PHYHIPL: variants seen among roughly 807,000 people sequenced by gnomAD.
PHYHIPL encodes the protein phytanoyl-CoA 2-hydroxylase interacting protein like, also known as phytanoyl-CoA hydroxylase-interacting protein-like.
In PHYHIPL, 9 loss-of-function variants were observed where a neutral mutation model predicts 33.4. That is an observed-to-expected ratio of 0.27 (90% CI 0.16 to 0.47). PHYHIPL has a LOEUF of 0.47. PHYHIPL is among the 20% of genes least tolerant of loss of function. PHYHIPL has a pLI of 0.99. For missense variants in PHYHIPL, 365 were observed against 460.7 expected (o/e 0.79, Z 1.90); for synonymous variants, 153 against 154.1 (o/e 0.99, Z 0.05).
chr10:59,231,553 GT>G (rs1464552335), intron 1 of PHYHIPL, among the ~76,000 whole-genome samples: 1 of 152,008 alleles, frequency 6.6e-6, no homozygotes, highest in African/African-American at 2.4e-5. Context: ...TATGAACCAA[GT>G]TATAAAGCAC....
At chr10:59,200,744 TG>T (rs1726491263) in intron 1 of PHYHIPL, among the ~76,000 whole-genome samples, 1 of 152,202 alleles carries the variant, frequency 6.6e-6, no homozygotes, top group African/African-American at 2.4e-5. Flanking sequence ...AGCCTGTTAT[TG>T]GTCTATTTAG....
At chr10:59,190,132 A>G (rs1677158143) in intron 1 of PHYHIPL, among the ~76,000 whole-genome samples, 1 of 152,020 alleles carries the variant, frequency 6.6e-6, no homozygotes, top group Non-Finnish European at 1.5e-5. Context: ...CAAATAGTCA[A>G]TCAGTGGTAT....
chr10:59,176,320 C>T (rs548987795), upstream of PHYHIPL, among the ~76,000 whole-genome samples: 97 of 152,314 alleles, frequency 6.4e-4, no homozygotes, highest in African/African-American at 2.1e-3. Context: ...CGCCAGGCAC[C>T]GAGAGCAGAC....
intron 1 of PHYHIPL, among the ~76,000 whole-genome samples, chr10:59,228,132 GC>G (rs1293744620): frequency 2.6e-5 from 4 of 151,918 alleles, no homozygotes; most frequent in Non-Finnish European, 5.9e-5. Context: ...AAATAGATAT[GC>G]CCCCAAATGT....
At chr10:59,222,488 A>T (rs1360263676) in intron 1 of PHYHIPL, among the ~76,000 whole-genome samples, 1 of 152,034 alleles carries the variant, frequency 6.6e-6, no homozygotes, top group Non-Finnish European at 1.5e-5. Context: ...GTTAAAGGAG[A>T]CCCTAAAGGC....
intron 1 of PHYHIPL, among the ~76,000 whole-genome samples, chr10:59,215,144 A>G (rs1244338685): frequency 6.6e-6 from 1 of 152,102 alleles, no homozygotes; most frequent in Non-Finnish European, 1.5e-5. Flanking sequence ...CTGAAAGAGC[A>G]TATTACTTGG....
intron 1 of PHYHIPL, among the ~76,000 whole-genome samples, chr10:59,219,401 G>A (rs1216081208): frequency 2.0e-5 from 3 of 152,032 alleles, no homozygotes; most frequent in Non-Finnish European, 4.4e-5. Flanking sequence ...ACTCAGGTAG[G>A]AATAAATAAA....
At chr10:59,182,445 T>C (rs1349972702) in intron 1 of PHYHIPL, among the ~76,000 whole-genome samples, 1 of 152,058 alleles carries the variant, frequency 6.6e-6, no homozygotes, top group African/African-American at 2.4e-5. Flanking sequence ...TGGTTTCACG[T>C]GACTCTCCTG....
intron 3 of PHYHIPL, among the ~76,000 whole-genome samples, chr10:59,237,880 T>C (rs924324404): frequency 2.0e-5 from 3 of 151,956 alleles, no homozygotes; most frequent in African/African-American, 7.2e-5. Context: ...TCTTTTAACT[T>C]GATCATCTAA....
At chr10:59,207,763 C>T (rs1261200879) in intron 1 of PHYHIPL, among the ~76,000 whole-genome samples, 10 of 151,946 alleles carry the variant, frequency 6.6e-5, no homozygotes, top group East Asian at 1.9e-4. Context: ...TGGTGGTGGG[C>T]GCCTGTAGTC....
chr10:59,236,489 C>T lies in PHYHIPL; in HGVS notation c.310C>T (p.Pro104Ser). 1 of 1,585,696 alleles carries T rather than the reference C, an allele frequency of 6.3e-7. No individual in the cohort carries two copies. The highest frequency in any genetic ancestry group is 8.6e-7 in the Non-Finnish European group (1 of 1,164,522). The change falls in exon 3 of 5, where the codon CCC becomes TCC. Residue 104 changes from proline (P) to serine (S), a missense_variant. Pro to Ser is a moderately conservative substitution (Grantham distance 74). This residue lies in a region of PHYHIPL where 63 missense variants were observed against 119.3 expected (regional missense o/e 0.53). Coordinates refer to ENST00000373880, the MANE Select transcript of PHYHIPL (RefSeq NM_032439.4). Reference protein sequence around the residue: ...NSNKFKHKDVPTKLVAKAVPL... With the variant: ...NSNKFKHKDVSTKLVAKAVPL... ...TTCCTTCTTTCATTCCTAGGATGTT[C>T]CCACAAAATTGGTGGCAAAAGCTGT...
intron 1 of PHYHIPL, among the ~76,000 whole-genome samples, chr10:59,203,037 C>T (rs1469361718): frequency 6.6e-6 from 1 of 151,964 alleles, no homozygotes; most frequent in Non-Finnish European, 1.5e-5. Context: ...GGCTAATACC[C>T]AGAATCTACA....
chr10:59,204,577 A>T (rs535506232), intron 1 of PHYHIPL, among the ~76,000 whole-genome samples: 1 of 152,230 alleles, frequency 6.6e-6, no homozygotes, highest in South Asian at 2.1e-4. Flanking sequence ...TAACTCAAGG[A>T]CCAGATTCTC....
Position 59,176,806 on chromosome 10 carries a change from GA to G in PHYHIPL, c.-47del. 6.5e-7 allele frequency: 1 copy of G among 1,543,414 alleles called. No homozygotes were observed. Among genetic ancestry groups the G allele is most frequent in the Non-Finnish European group, 8.8e-7 (1 of 1,131,620 alleles). The stretch of plus-strand genomic sequence containing the variant: ...GCTCTTCTTGCCCACCCGGCCGGCA[GA>G]GAGAGCCTGGATACGAAGCAGGCGG... On this transcript the variant is annotated 5_prime_UTR_variant, in exon 1 of 5. Coordinates refer to ENST00000373880, the MANE Select transcript of PHYHIPL (RefSeq NM_032439.4).
chr10:59,208,348 A>G (rs1285300363), intron 1 of PHYHIPL, among the ~76,000 whole-genome samples: 1 of 152,210 alleles, frequency 6.6e-6, no homozygotes, highest in African/African-American at 2.4e-5. Context: ...CGTTAGAAGG[A>G]AAACTAACAA....
intron 1 of PHYHIPL, among the ~76,000 whole-genome samples, chr10:59,199,562 C>G (rs1202104712): frequency 2.0e-5 from 3 of 152,086 alleles, no homozygotes; most frequent in Non-Finnish European, 4.4e-5. Context: ...TCCATATGAA[C>G]TTTAAAGTAG....
intron 3 of PHYHIPL, 146 bp from the exon 4 acceptor site, chr10:59,238,442 T>G (rs1385702841): frequency 2.3e-6 from 1 of 442,972 alleles, no homozygotes; most frequent in Non-Finnish European, 4.0e-6. Flanking sequence ...ACACAGACAA[T>G]GAATATTTTC....
chr10:59,245,565 AC>A lies in PHYHIPL; in HGVS notation c.1107del (p.Cys370ValfsTer39). 6.2e-7 allele frequency: 1 copy of A among 1,608,202 alleles called. No individual in the cohort carries two copies. The highest frequency in any genetic ancestry group is 8.5e-7 in the Non-Finnish European group (1 of 1,177,702). On this transcript the variant is annotated frameshift_variant, in exon 5 of 5. Coordinates refer to ENST00000373880, the MANE Select transcript of PHYHIPL (RefSeq NM_032439.4). LOFTEE classifies it high-confidence loss of function. ...TGCAAAGAAAGATCCCAGCTGCAAAACCTGTAATATCAGTGTTGGACGTTAA... is the reference window on the plus strand; with the variant it reads ...TGCAAAGAAAGATCCCAGCTGCAAAACTGTAATATCAGTGTTGGACGTTAA... ...ANAKKDPSCK[T>X]CNISVGR
intron 1 of PHYHIPL, among the ~76,000 whole-genome samples, chr10:59,219,691 T>A (rs552815335): frequency 7.9e-5 from 12 of 152,136 alleles, no homozygotes; most frequent in Non-Finnish European, 1.5e-4. Flanking sequence ...TGGAAAAATT[T>A]TCAAGATTAC....
Sources: allele counts gnomAD v4.1 joint callset (sites outside exome capture counted in the v4.1 genomes callset), GRCh38; gene constraint gnomAD v4.1.1; regional missense constraint gnomAD v4.1.1; transcripts MANE v1.5; gene names NCBI Gene and HGNC (gene_info 2026-07-23, HGNC 2026-07-21).